The following CD79B variants were observed in gnomAD, a reference collection of about 807,000 sequenced individuals.
CD79B encodes the protein CD79b molecule, also known as B-cell antigen receptor complex-associated protein beta chain.
In CD79B, 7 loss-of-function variants were observed where a neutral mutation model predicts 30.0. That is an observed-to-expected ratio of 0.23 (90% CI 0.13 to 0.44). The LOEUF (loss-of-function observed/expected upper bound fraction) is 0.44. Ranked by LOEUF, CD79B falls within the 20% of genes least tolerant of loss-of-function variation. The pLI, the probability that CD79B is intolerant of heterozygous loss-of-function variation, is 1.00. For synonymous variants in CD79B, 118 were observed against 119.2 expected, an observed-to-expected ratio of 0.99 and a Z score of 0.07; for missense variants, 218 against 299.1, an observed-to-expected ratio of 0.73 and a Z score of 2.00.
chr17:63,929,813 A>T lies in CD79B; in HGVS notation c.506T>A (p.Ile169Asn). 1 of 1,613,190 alleles carries T rather than the reference A, an allele frequency of 6.2e-7. No individual in the cohort carries two copies. Among genetic ancestry groups the T allele is most frequent in the Non-Finnish European group, 8.5e-7 (1 of 1,179,794 alleles). ...DGIIMIQTLLIILFIIVPIFL... is the reference protein window; with the variant it reads ...DGIIMIQTLLNILFIIVPIFL... ...GATAGGCACGATGATGAAGAGGATG[A>T]TCAGCAGCGTCTGGATCATGATGAT... The change falls in exon 4 of 6, where the codon ATC becomes AAC. Residue 169 changes from isoleucine to asparagine, a missense_variant. Ile to Asn is a moderately radical substitution (Grantham distance 149). Coordinates refer to ENST00000006750, the MANE Select transcript of CD79B (RefSeq NM_000626.4).
intron 1 of CD79B, 97 bp from the exon 2 acceptor site, chr17:63,931,482 C>G: frequency 8.3e-7 from 1 of 1,210,902 alleles, no homozygotes; most frequent in Non-Finnish European, 1.2e-6. Context: ...GAGCTACTTC[C>G]TCCTTCCATG....
chr17:63,930,603 C>T (rs1046544302), intron 2 of CD79B: 1 of 601,370 alleles, frequency 1.7e-6, no homozygotes, highest in South Asian at 2.0e-5. Context: ...CAGACTCCAC[C>T]TCTTCCCGAC....
At chr17:63,929,708 T>C (rs780575784) in intron 4 of CD79B, 62 bp downstream of exon 4, 30 of 1,213,386 alleles carry the variant, frequency 2.5e-5, no homozygotes, top group Middle Eastern at 3.8e-4. Flanking sequence ...ACCCTGCATA[T>C]GCCTGGCCTA....
chr17:63,929,538 C>A, intron 4 of CD79B, 63 bp from the exon 5 acceptor site: 1 of 1,578,344 alleles, frequency 6.3e-7, no homozygotes, highest in Non-Finnish European at 8.7e-7. Flanking sequence ...CCCTGCTGGG[C>A]CAGGCTGGGG....
In CD79B at chr17:63,931,390, T is replaced by C. The variant is rs943927329; in HGVS notation, c.68-5A>G. 3.1e-6 allele frequency: 5 copies of C among 1,613,914 alleles called. 1 individual carries two copies. The Middle Eastern group carries it at 5.0e-4, about 160-fold the overall frequency. On this transcript the variant is annotated splice_polypyrimidine_tract_variant and splice_region_variant and intron_variant, in intron 1 of 5. Transcript: ENST00000006750. ...TGGCTGCTGGTACTGGCTCAGCTGC[T>C]GGGTGGGAGGAAGTGGGCGGGGCCA...
chr17:63,932,237 C>G lies in CD79B; in HGVS notation c.25G>C (p.Val9Leu). The change falls in exon 1 of 6, where the codon GTG becomes CTG. Residue 9 changes from valine to leucine, a missense_variant. By Grantham distance (32) the Val-to-Leu change is conservative. Transcript: ENST00000006750. MARLALSP[V>L]PSHWMVALLL... Reference sequence around the variant, plus strand: ...AACGCCACCATCCAGTGGCTGGGCACAGGAGACAACGCCAGCCTGGCCATG... The same window carrying G: ...AACGCCACCATCCAGTGGCTGGGCAGAGGAGACAACGCCAGCCTGGCCATG... The G allele has an allele frequency of 6.2e-7, 1 of 1,613,042 alleles. No individual in the cohort carries two copies. The highest frequency in any genetic ancestry group is 8.5e-7 in the Non-Finnish European group (1 of 1,179,998).
intron 1 of CD79B, chr17:63,931,991 G>A (rs1301552868): frequency 1.5e-6 from 1 of 661,536 alleles, no homozygotes; most frequent in Non-Finnish European, 2.8e-6. Context: ...CCAGGCAGGA[G>A]AGGAACTGGG....
In CD79B at chr17:63,929,452, C is replaced by T; in HGVS notation, c.573G>A (p.Glu191=). 6.2e-7 allele frequency: 1 copy of T among 1,613,962 alleles called. No homozygotes were observed. The highest frequency in any genetic ancestry group is 8.5e-7 in the Non-Finnish European group (1 of 1,180,018). ...LDKDDSKAGM[E]EDHTYEGLDI... ...TCCTTACCTCGTAGGTGTGATCTTC[C>T]TCCATGCCAGCCTTGCTGTCATCCT... Residue 191 remains glutamate (E), a synonymous_variant, in exon 5 of 6, where the codon GAG becomes GAA. Transcript: ENST00000006750.
At chr17:63,932,055 C>G (rs1463516334) in intron 1 of CD79B, 140 bp downstream of exon 1, 1 of 806,518 alleles carries the variant, frequency 1.2e-6, no homozygotes, top group African/African-American at 1.7e-5. Flanking sequence ...CAGACCCAGG[C>G]CCCAGGGCCA....
At chr17:63,929,973 C>G in intron 3 of CD79B, 85 bp from the exon 4 acceptor site, 1 of 1,538,222 alleles carries the variant, frequency 6.5e-7, no homozygotes, top group Non-Finnish European at 9.0e-7. Flanking sequence ...GTCCCAGTGG[C>G]TCTCCTGAGT....
rs1908039681 is a variant in CD79B at position 63,930,231 on chromosome 17, C to T, written c.273G>A (p.Leu91=). The change falls in exon 3 of 6, where the codon CTG becomes CTA. Residue 91 remains leucine (L), a synonymous_variant. Coordinates refer to ENST00000006750, the MANE Select transcript of CD79B (RefSeq NM_000626.4). ...GGGACTCTTCCATGCGGCCCTTTTC[C>T]AGCTTCAGCTGCTGGGGATTCTCGT... ...EMDENPQQLK[L]EKGRMEESQN... The T allele has an allele frequency of 6.2e-7, 1 of 1,614,206 alleles. No homozygotes were observed. The highest frequency in any genetic ancestry group is 8.5e-7 in the Non-Finnish European group (1 of 1,180,042).
At chr17:63,930,572 G>A (rs1195093013) in intron 2 of CD79B, 187 bp from the exon 3 acceptor site, 6 of 625,808 alleles carry the variant, frequency 9.6e-6, no homozygotes, top group Non-Finnish European at 1.7e-5. Flanking sequence ...TGAGCCACAT[G>A]AGAAGCCACG....
At chr17:63,932,021 A>G (rs1044828714) in intron 1 of CD79B, 174 bp downstream of exon 1, 5 of 705,378 alleles carry the variant, frequency 7.1e-6, no homozygotes, top group Admixed American at 2.0e-5. Context: ...TCCTGAGCCC[A>G]TCACCACGTG....
chr17:63,931,896 C>A lies in CD79B; in HGVS notation c.67+299G>T, dbSNP rs1027625993. The A allele has an allele frequency of 2.4e-5, 12 of 504,358 alleles. 1 individual carries two copies. The highest frequency in any genetic ancestry group is 1.1e-3 in the Middle Eastern group (2 of 1,830). The allele number at this position is 504,358 out of a possible 1,614,324, so 31.2% of individuals were successfully genotyped here. ...CCGACCCCCAGGCACCGCCCTCAGC[C>A]TCTCTTCCTCCTGAGCCTAGTTCTT... On this transcript the variant is annotated intron_variant, in intron 1 of 5. Transcript: ENST00000006750.
chr17:63,931,174 G>T, intron 2 of CD79B, 161 bp downstream of exon 2: 1 of 725,748 alleles, frequency 1.4e-6, no homozygotes. Context: ...CTGGGGGTGG[G>T]GCTCAGAGGA....
rs142662313 is a variant in CD79B at position 63,929,586 on chromosome 17, G to A, written c.550-111C>T. On this transcript the variant is annotated intron_variant, in intron 4 of 5. Transcript: ENST00000006750. ...AGGGGTGAGGGGTCAGGAGTGAGGT[G>A]CATTCTGCAAGAACAGCTGAATGAA... 1.3e-4 allele frequency: 154 copies of A among 1,175,202 alleles called. 1 individual carries two copies. In the East Asian group the frequency reaches 3.4e-3, roughly 26 times the overall value. The allele number at this position is 1,175,202 out of a possible 1,614,324, so 72.8% of individuals were successfully genotyped here.
intron 2 of CD79B, chr17:63,930,940 C>T (rs569795462): frequency 6.0e-5 from 19 of 318,740 alleles, no homozygotes; most frequent in Non-Finnish European, 1.1e-4. Context: ...TTTCCAGCTT[C>T]GACTGCCTTG....
rs1908028787 is a variant in CD79B, at chr17:63,930,118, GTGT to G, written c.383_385del (p.Asn128del). ...GCCGCAGCCCTGGTAGACCTCCGAG[GTGT>G]TGTTGCACTTCTGCTGACAGAAGTA... On this transcript the variant is annotated inframe_deletion, in exon 3 of 6. Transcript: ENST00000006750. The G allele has an allele frequency of 4.3e-6, 7 of 1,614,026 alleles. No homozygotes were observed. Among genetic ancestry groups the G allele is most frequent in the Admixed American group, 1.7e-5 (1 of 60,004 alleles).
In CD79B at chr17:63,929,806, G is replaced by A. The variant is rs11555059; in HGVS notation, c.513C>T (p.Leu171=). 2 of 1,612,652 alleles carry A rather than the reference G, an allele frequency of 1.2e-6. No homozygotes were observed. The highest frequency in any genetic ancestry group is 2.7e-5 in the African/African-American group (2 of 74,918). Residue 171 remains leucine, a synonymous_variant, in exon 4 of 6, where the codon CTC becomes CTT. Coordinates refer to ENST00000006750, the MANE Select transcript of CD79B (RefSeq NM_000626.4). ...IIMIQTLLII[L]FIIVPIFLLL... ...GCAGGAAGATAGGCACGATGATGAA[G>A]AGGATGATCAGCAGCGTCTGGATCA...
Sources: allele counts gnomAD v4.1 joint callset, GRCh38; gene constraint gnomAD v4.1.1; transcripts MANE v1.5; gene names NCBI Gene and HGNC (gene_info 2026-07-23, HGNC 2026-07-21).